EPB41L1: variants seen among roughly 807,000 people sequenced by gnomAD.
EPB41L1 encodes band 4.1-like protein 1.
Under a neutral mutation model 97.8 loss-of-function variants are expected in EPB41L1, and 29 were observed. The observed-to-expected ratio is 0.30, with a 90% CI of 0.22 to 0.40. EPB41L1 has a LOEUF of 0.40. Ranked by LOEUF, EPB41L1 falls within the 10% of genes least tolerant of loss-of-function variation. The pLI, the probability that EPB41L1 is intolerant of heterozygous loss-of-function variation, is 1.00. For synonymous variants in EPB41L1, 383 were observed against 459.2 expected, an observed-to-expected ratio of 0.83 and a Z score of 2.12; for missense variants, 812 against 1,162.3, an observed-to-expected ratio of 0.70 and a Z score of 4.38.
chr20:36,106,645 T>G (rs908564085), intron 1 of EPB41L1, among the ~76,000 whole-genome samples: 2 of 152,252 alleles, frequency 1.3e-5, no homozygotes, highest in African/African-American at 4.8e-5. Context: ...ACCATTCTAT[T>G]CAGAGGTAAG....
Position 36,188,468 on chromosome 20 carries a change from G to A in EPB41L1, c.995G>A (p.Ser332Asn). 1.2e-6 allele frequency: 2 copies of A among 1,613,856 alleles called. No homozygotes were observed. Among genetic ancestry groups the A allele is most frequent in the Non-Finnish European group, 1.7e-6 (2 of 1,179,988 alleles). Residue 332 changes from serine to asparagine, a missense_variant, in exon 9 of 22, where the codon AGT (serine) becomes AAT (asparagine). By Grantham distance (46) the Ser-to-Asn change is conservative (BLOSUM62 1). Transcript: ENST00000338074. ...PKILKISYKR[S>N]NFYIKIRPGE... ...ATCCTCAAGATCTCCTACAAGAGGA[G>A]TAACTTCTATATCAAGATCCGGCCT...
At position 36,194,249 on chromosome 20, in the gene EPB41L1, T is replaced by G. The variant is rs2295568; in HGVS notation, c.1338T>G (p.His446Gln). The G allele has an allele frequency of 6.2e-7, 1 of 1,613,966 alleles. No homozygotes were observed. The highest frequency in any genetic ancestry group is 1.3e-5 in the African/African-American group (1 of 74,940). Residue 446 changes from histidine (H) to glutamine (Q), a missense_variant, in exon 12 of 22, where the codon CAT becomes CAG. By Grantham distance (24) the His-to-Gln change is conservative. This residue lies in a region of EPB41L1 where 498 missense variants were observed against 622.7 expected (regional missense o/e 0.80). Transcript: ENST00000338074. ...FSRPASVSEN[H>Q]DAGPDGDKRD... Reference sequence around the variant, plus strand: ...GCCCAGCCTCGGTCAGCGAGAACCATGATGCAGGGCCTGACGGTGACAAGC... The same window carrying G: ...GCCCAGCCTCGGTCAGCGAGAACCAGGATGCAGGGCCTGACGGTGACAAGC...
rs2064410976 is a variant in EPB41L1 at position 36,229,850 on chromosome 20, C to G, written c.*510C>G. On this transcript the variant is annotated 3_prime_UTR_variant, in exon 22 of 22. Transcript: ENST00000338074. Reference sequence around the variant, plus strand: ...AATGCAAAGGAAAACACTTGCACAGCAAAGCAAGAGAAGTCACAGCAGCAA... The same window carrying G: ...AATGCAAAGGAAAACACTTGCACAGGAAAGCAAGAGAAGTCACAGCAGCAA... 6.5e-6 allele frequency: 1 copy of G among 152,696 alleles called. No individual in the cohort carries two copies. Among genetic ancestry groups the G allele is most frequent in the African/African-American group, 2.4e-5 (1 of 41,382 alleles). 9.5% of individuals were successfully genotyped at this position (152,696 alleles called of 1,614,324 possible).
intron 1 of EPB41L1, among the ~76,000 whole-genome samples, chr20:36,157,618 T>C (rs1384991992): frequency 6.6e-6 from 1 of 152,178 alleles, no homozygotes; most frequent in African/African-American, 2.4e-5. Flanking sequence ...TGTGTGTGTG[T>C]GTGCCTGGTG....
chr20:36,162,453 C>A (rs2060571502), intron 1 of EPB41L1, among the ~76,000 whole-genome samples: 1 of 152,214 alleles, frequency 6.6e-6, no homozygotes. Context: ...AGTCCTGGCT[C>A]TCCTTGAAAC....
intron 1 of EPB41L1, among the ~76,000 whole-genome samples, chr20:36,167,772 G>T (rs2060802166): frequency 6.6e-6 from 1 of 151,872 alleles, no homozygotes; most frequent in African/African-American, 2.4e-5. Flanking sequence ...GGTGTCCATT[G>T]AGAGTTTTGG....
intron 21 of EPB41L1, among the ~76,000 whole-genome samples, chr20:36,223,982 A>G (rs2063947299): frequency 6.6e-6 from 1 of 152,214 alleles, no homozygotes; most frequent in Non-Finnish European, 1.5e-5. Flanking sequence ...AGTCTTTTCT[A>G]GAAAGATACG....
intron 18 of EPB41L1, 37 bp downstream of exon 18, chr20:36,218,999 A>G (rs1319845174): frequency 6.2e-7 from 1 of 1,601,114 alleles, no homozygotes; most frequent in South Asian, 1.1e-5. Flanking sequence ...AGGGGACTCC[A>G]CACTGAGAAT....
At chr20:36,098,675 G>T (rs2147478373) in intron 1 of EPB41L1, among the ~76,000 whole-genome samples, 1 of 152,282 alleles carries the variant, frequency 6.6e-6, no homozygotes, top group Non-Finnish European at 1.5e-5. Context: ...TTCCAAATAT[G>T]GTCACATTAT....
intron 2 of EPB41L1, among the ~76,000 whole-genome samples, chr20:36,122,362 T>C (rs1445990321): frequency 6.6e-6 from 1 of 152,210 alleles, no homozygotes; most frequent in Non-Finnish European, 1.5e-5. Flanking sequence ...TTCCTGGTGG[T>C]GGAGCCGCTC....
At chr20:36,128,941 T>C (rs572367242) in intron 2 of EPB41L1, among the ~76,000 whole-genome samples, 33 of 152,156 alleles carry the variant, frequency 2.2e-4, no homozygotes, top group African/African-American at 7.2e-4. Flanking sequence ...GAGGTTTGCC[T>C]GGGGTCCTGG....
At chr20:36,133,261 G>T (rs1369958138) in intron 2 of EPB41L1, among the ~76,000 whole-genome samples, 1 of 152,170 alleles carries the variant, frequency 6.6e-6, no homozygotes, top group African/African-American at 2.4e-5. Flanking sequence ...TGGTATTTGG[G>T]GTCTGAAAAG....
At chr20:36,120,929 G>A (rs1372432657) in intron 2 of EPB41L1, among the ~76,000 whole-genome samples, 1 of 152,072 alleles carries the variant, frequency 6.6e-6, no homozygotes, top group Non-Finnish European at 1.5e-5. Flanking sequence ...CCACCTTCAC[G>A]AATGGGATTA....
chr20:36,214,937 G>T (rs1379656574), intron 17 of EPB41L1, among the ~76,000 whole-genome samples: 1 of 151,796 alleles, frequency 6.6e-6, no homozygotes, highest in Admixed American at 6.6e-5. Flanking sequence ...GGACCTCATG[G>T]TTCTGCTACT....
At chr20:36,162,586 C>T (rs1011497785) in intron 1 of EPB41L1, among the ~76,000 whole-genome samples, 5 of 152,186 alleles carry the variant, frequency 3.3e-5, no homozygotes, top group Non-Finnish European at 5.9e-5. Flanking sequence ...GCCCAGCTCT[C>T]GGAGGATACC....
Position 36,092,063 on chromosome 20 carries a change from G to A in EPB41L1, c.-65+451G>A, listed in dbSNP as rs2057677656. 2.0e-5 allele frequency among the ~76,000 whole-genome samples: 3 copies of A among 152,182 alleles called. No homozygotes were observed. Among genetic ancestry groups the A allele is most frequent in the Admixed American group, 2.0e-4 (3 of 15,286 alleles). ...TCAGCCCTTGGAGAGTCCCCAGAGA[G>A]TCCAGAGGTTGCCACCTGCGAGGGG... On this transcript the variant is annotated intron_variant, in intron 1 of 19. Transcript: ENST00000202028. This position sits in a 1 kb window ranked among gnomAD's most constrained non-coding sequence, Gnocchi z 7.0.
In EPB41L1 at chr20:36,093,220, T is replaced by A. The variant is rs2057714969; in HGVS notation, c.-65+1608T>A. ...GTCTGCGTGTGTCTGTCGGTGAATGTATCTGTGAGAGGGTGTGTCCGAATG... is the reference window on the plus strand; with the variant it reads ...GTCTGCGTGTGTCTGTCGGTGAATGAATCTGTGAGAGGGTGTGTCCGAATG... On this transcript the variant is annotated intron_variant, in intron 1 of 19. Coordinates refer to the EPB41L1 transcript ENST00000202028. The surrounding 1 kb of genome is among the most constrained non-coding windows in gnomAD (Gnocchi z 5.4). 6.6e-6 allele frequency among the ~76,000 whole-genome samples: 1 copy of A among 151,994 alleles called. No individual in the cohort carries two copies. The highest frequency in any genetic ancestry group is 1.5e-5 in the Non-Finnish European group (1 of 67,968).
intron 2 of EPB41L1, among the ~76,000 whole-genome samples, chr20:36,146,501 G>A (rs772419680): frequency 1.3e-5 from 2 of 152,244 alleles, no homozygotes; most frequent in African/African-American, 4.8e-5. Flanking sequence ...ATACACAGAC[G>A]ACTTCTCTGC....
chr20:36,187,705 A>T lies in EPB41L1; in HGVS notation c.815A>T (p.His272Leu), dbSNP rs2061743305. 2 of 1,613,982 alleles carry T rather than the reference A, an allele frequency of 1.2e-6. No homozygotes were observed. The highest frequency in any genetic ancestry group is 1.7e-6 in the Non-Finnish European group (2 of 1,179,994). The stretch of plus-strand genomic sequence containing the variant: ...ATGACCCCGGGAGAAGCAGAAATCC[A>T]CTTCTTAGAGAATGCCAAGAAGCTT... Reference protein sequence around the residue: ...RGMTPGEAEIHFLENAKKLSM... With the variant: ...RGMTPGEAEILFLENAKKLSM... Residue 272 changes from histidine to leucine, a missense_variant, in exon 8 of 22, where the codon CAC becomes CTC. Coordinates refer to ENST00000338074, the MANE Select transcript of EPB41L1 (RefSeq NM_012156.2).
Sources: gnomAD v4.1 joint callset for allele counts (sites outside exome capture counted in the v4.1 genomes callset) on GRCh38, gnomAD v4.1.1 for gene constraint, gnomAD v4.1.1 regional missense constraint, Gnocchi (gnomAD v3.1) non-coding constraint, MANE v1.5 for transcripts, NCBI Gene and HGNC (gene_info 2026-07-23, HGNC 2026-07-21) for gene names.